PDE5A: variants seen among roughly 807,000 people sequenced by gnomAD.
PDE5A encodes the protein phosphodiesterase 5A.
Under a neutral mutation model 110.2 loss-of-function variants are expected in PDE5A, and 67 were observed. The observed-to-expected ratio is 0.61, with a 90% CI of 0.50 to 0.75. The LOEUF is 0.75. Ranked by LOEUF, PDE5A falls within the 30% of genes least tolerant of loss-of-function variation. The probability of loss-of-function intolerance (pLI) is 0.00; values close to 1 mark genes in which losing one functional copy is unlikely to be tolerated. For synonymous variants in PDE5A, 328 were observed against 351.2 expected (o/e 0.93, Z 0.74); for missense variants, 862 against 1,045.1 (o/e 0.82, Z 2.42).
intron 9 of PDE5A, among the ~76,000 whole-genome samples, chr4:119,547,859 G>T (rs1473524846): frequency 6.6e-6 from 1 of 151,774 alleles, no homozygotes; most frequent in Non-Finnish European, 1.5e-5. Flanking sequence ...ACCAATATTT[G>T]ATTTCTGACA....
At chr4:119,506,359 TAAAC>T (rs936911867) in intron 16 of PDE5A, among the ~76,000 whole-genome samples, 7 of 151,842 alleles carry the variant, frequency 4.6e-5, no homozygotes, top group South Asian at 2.1e-4. Flanking sequence ...GCTTCTGAAG[TAAAC>T]AAAGACTAGG....
At chr4:119,607,413 A>G in intron 1 of PDE5A, 116 bp from the exon 2 acceptor site, 8 of 683,970 alleles carry the variant, frequency 1.2e-5, no homozygotes, top group Admixed American at 2.9e-5. Flanking sequence ...GATATGTTAT[A>G]GAAAATAAAA....
intron 17 of PDE5A, among the ~76,000 whole-genome samples, chr4:119,504,833 C>A (rs898597885): frequency 6.6e-6 from 1 of 152,072 alleles, no homozygotes; most frequent in Non-Finnish European, 1.5e-5. Context: ...CAAACTGCCT[C>A]ATTTAGCTCC....
chr4:119,535,834 T>TA (rs1388641927), intron 11 of PDE5A, among the ~76,000 whole-genome samples: 2 of 152,186 alleles, frequency 1.3e-5, no homozygotes, highest in Non-Finnish European at 2.9e-5. Context: ...CTCTTAAGAA[T>TA]AAATTTGTTA....
chr4:119,514,295 A>G (rs1725835685), intron 14 of PDE5A, among the ~76,000 whole-genome samples: 1 of 152,160 alleles, frequency 6.6e-6, no homozygotes, highest in African/African-American at 2.4e-5. Flanking sequence ...GTGGGAAACT[A>G]TATTGCCACC....
At chr4:119,576,013 C>CA (rs1560623340) in intron 3 of PDE5A, among the ~76,000 whole-genome samples, 1 of 151,762 alleles carries the variant, frequency 6.6e-6, no homozygotes, top group Admixed American at 6.6e-5. Context: ...AAATGGAAAA[C>CA]AAAAAAAGGC....
chr4:119,611,572 A>G (rs967063810), intron 1 of PDE5A, among the ~76,000 whole-genome samples: 14 of 152,214 alleles, frequency 9.2e-5, no homozygotes, highest in Non-Finnish European at 1.3e-4. Flanking sequence ...CTGGTGCAGC[A>G]TATGTCTTAA....
intron 19 of PDE5A, 31 bp from the exon 20 acceptor site, chr4:119,501,284 G>T: frequency 8.2e-7 from 1 of 1,216,788 alleles, no homozygotes; most frequent in Non-Finnish European, 1.2e-6. Flanking sequence ...CAGACACACA[G>T]ATGTGCATTT....
At chr4:119,556,949 G>A (rs1018651299) in intron 7 of PDE5A, among the ~76,000 whole-genome samples, 4 of 152,128 alleles carry the variant, frequency 2.6e-5, no homozygotes, top group Non-Finnish European at 4.4e-5. Context: ...AAGGAATATG[G>A]ATCTCATTCT....
chr4:119,576,572 G>A (rs184363514), intron 3 of PDE5A, among the ~76,000 whole-genome samples: 1,563 of 152,078 alleles, frequency 0.01, 7 homozygotes, highest in Middle Eastern at 0.034. Context: ...CTGAACAATC[G>A]GCTCCTGAAT....
rs142272118 is a variant in PDE5A, at chr4:119,505,936, C to T, written c.2190-4G>A. 5.9e-3 allele frequency: 9,119 copies of T among 1,533,452 alleles called. 29 individuals are homozygous for T. Among genetic ancestry groups the T allele is most frequent in the Middle Eastern group, 0.013 (73 of 5,832 alleles). The allele number at this position is 1,533,452 out of a possible 1,614,324, so 95.0% of individuals were successfully genotyped here. A position where few individuals can be genotyped will look rare whatever the true frequency, so the allele number is the denominator to read the frequency against. On this transcript the variant is annotated splice_region_variant and splice_polypyrimidine_tract_variant and intron_variant, in intron 16 of 20. Transcript: ENST00000354960. ...TTCAAAAAATTCTCCTCGCCTCCTA[C>T]AATGTTTAAAAAAAAATTGTTAGTT...
intron 15 of PDE5A, among the ~76,000 whole-genome samples, chr4:119,509,903 G>C (rs903395412): frequency 1.3e-5 from 2 of 151,694 alleles, no homozygotes; most frequent in African/African-American, 4.8e-5. Context: ...GGTGGGGCTA[G>C]AGTAGACTTG....
intron 20 of PDE5A, among the ~76,000 whole-genome samples, chr4:119,498,958 A>G (rs1560590710): frequency 6.6e-6 from 1 of 152,190 alleles, no homozygotes; most frequent in Non-Finnish European, 1.5e-5. Flanking sequence ...GCAAACACAC[A>G]CATTCCAAAA....
In PDE5A at chr4:119,591,059, A is replaced by T. The variant is rs150119262; in HGVS notation, c.831+5464T>A. On this transcript the variant is annotated intron_variant, in intron 3 of 20. Coordinates refer to ENST00000354960, the MANE Select transcript of PDE5A (RefSeq NM_001083.4). ...TTGCCTTATTTATGAGGAAAAATAG[A>T]GAAAAACATGTTTCTCTTAAGTTTA... is the stretch of plus-strand genomic sequence containing the variant. Among the ~76,000 whole-genome samples, 37 of 152,352 alleles carry T rather than the reference A, an allele frequency of 2.4e-4. No individual in the cohort carries two copies. The East Asian group carries it at 7.1e-3, about 29-fold the overall frequency.
chr4:119,501,321 T>C lies in PDE5A; in HGVS notation c.2407-68A>G. 6.1e-6 allele frequency: 6 copies of C among 990,186 alleles called. No homozygotes were observed. In the South Asian group the frequency reaches 8.2e-5, roughly 14 times the overall value. The allele number at this position is 990,186 out of a possible 1,614,324, so 61.3% of individuals were successfully genotyped here. On this transcript the variant is annotated intron_variant, in intron 19 of 20. Coordinates refer to ENST00000354960, the MANE Select transcript of PDE5A (RefSeq NM_001083.4). ...TTTATTTAGTTAGTTATTACTTTATTATTTTTTGAGATGGAGTCTCACTCT... is the reference window on the plus strand; with the variant it reads ...TTTATTTAGTTAGTTATTACTTTATCATTTTTTGAGATGGAGTCTCACTCT...
Position 119,538,968 on chromosome 4 carries a change from A to G in PDE5A, c.1624T>C (p.Ser542Pro). 1 of 1,611,884 alleles carries G rather than the reference A, an allele frequency of 6.2e-7. No homozygotes were observed. Among genetic ancestry groups the G allele is most frequent in the South Asian group, 1.1e-5 (1 of 91,028 alleles). Residue 542 changes from serine (S) to proline (P), a missense_variant, in exon 11 of 21, where the codon TCG (serine) becomes CCG (proline). Ser to Pro is a moderately conservative substitution (Grantham distance 74, BLOSUM62 -1). Transcript: ENST00000354960. The part of the protein sequence containing the change: ...AAEEETRELQ[S>P]LAAAVVPSAQ... ...AGAAAGAGGATAATTACCGCTAACG[A>G]CTGTAGCTCTCTTGTTTCTTCCTCT...
chr4:119,499,909 A>G (rs1182476905), intron 20 of PDE5A: 1 of 152,142 alleles, frequency 6.6e-6, no homozygotes, highest in African/African-American at 2.4e-5. Flanking sequence ...TATTAAAAAT[A>G]CTTGTCAGTA....
chr4:119,494,457 A>T lies in PDE5A; in HGVS notation c.*4144T>A, dbSNP rs947880653. The T allele has an allele frequency of 6.6e-6, 1 of 152,338 alleles. No individual in the cohort carries two copies. The highest frequency in any genetic ancestry group is 2.4e-5 in the African/African-American group (1 of 41,446). 9.4% of individuals were successfully genotyped at this position (152,338 alleles called of 1,614,324 possible). A position where few individuals can be genotyped will look rare whatever the true frequency, so the allele number is the denominator to read the frequency against. ...GCATGGCAAAATGAGGAAACCACTG[A>T]CAGGTGAAGAATTTGCACAATGGAA... On this transcript the variant is annotated 3_prime_UTR_variant, in exon 21 of 21. Coordinates refer to ENST00000354960, the MANE Select transcript of PDE5A (RefSeq NM_001083.4).
intron 1 of PDE5A, among the ~76,000 whole-genome samples, chr4:119,624,345 T>C (rs1390900092): frequency 6.6e-6 from 1 of 152,190 alleles, no homozygotes; most frequent in Non-Finnish European, 1.5e-5. Flanking sequence ...CATAATCTGA[T>C]TGTATTGTAA....
Sources: gnomAD v4.1 joint callset for allele counts (sites outside exome capture counted in the v4.1 genomes callset) on GRCh38, gnomAD v4.1.1 for gene constraint, MANE v1.5 for transcripts, NCBI Gene and HGNC (gene_info 2026-07-23, HGNC 2026-07-21) for gene names.